The following INPP4B variants were observed in gnomAD, a reference collection of about 807,000 sequenced individuals.
INPP4B encodes the protein inositol polyphosphate-4-phosphatase type II B, also known as inositol polyphosphate 4-phosphatase type II.
INPP4B carries 55 observed loss-of-function variants against 122.5 expected under a neutral mutation model. That is an observed-to-expected ratio of 0.45 (90% CI 0.36 to 0.56). The LOEUF is 0.56. Ranked by LOEUF, INPP4B falls within the 20% of genes least tolerant of loss-of-function variation. INPP4B has a pLI of 0.00. For synonymous variants in INPP4B, 403 were observed against 388.7 expected, an observed-to-expected ratio of 1.04 and a Z score of -0.43; for missense variants, 1,000 against 1,097.7, an observed-to-expected ratio of 0.91 and a Z score of 1.26.
At chr4:142,638,597 G>A (rs1010242753) in intron 2 of INPP4B, among the ~76,000 whole-genome samples, 5 of 148,090 alleles carry the variant, frequency 3.4e-5, no homozygotes, top group Non-Finnish European at 7.4e-5. Flanking sequence ...AGGCTGGAGT[G>A]CAGTGGCATG....
intron 17 of INPP4B, among the ~76,000 whole-genome samples, chr4:142,146,203 C>T (rs982079750): frequency 6.6e-6 from 1 of 151,856 alleles, no homozygotes; most frequent in Non-Finnish European, 1.5e-5. Context: ...TATTATAAAC[C>T]TTTTTATTTA....
intron 17 of INPP4B, among the ~76,000 whole-genome samples, chr4:142,160,022 T>C (rs943739679): frequency 3.3e-5 from 5 of 152,118 alleles, no homozygotes; most frequent in African/African-American, 1.2e-4. Context: ...AGTAGTAACA[T>C]GGAGGGTTTT....
At position 142,129,650 on chromosome 4, in the gene INPP4B, G is replaced by T. The variant is rs531287461; in HGVS notation, c.1721-4890C>A. 6.0e-4 allele frequency among the ~76,000 whole-genome samples: 91 copies of T among 152,250 alleles called. No homozygotes were observed. In the South Asian group the frequency reaches 0.015, roughly 26 times the overall value. ...TAGAAGAGTAATCAGGAAAAGAAAA[G>T]CACCTGTGGAAACTTGGCTGCTTCG... On this transcript the variant is annotated intron_variant, in intron 18 of 25. Transcript: ENST00000262992.
At chr4:142,388,758 G>A (rs1474978484) in intron 7 of INPP4B, among the ~76,000 whole-genome samples, 1 of 152,126 alleles carries the variant, frequency 6.6e-6, no homozygotes, top group African/African-American at 2.4e-5. Flanking sequence ...ATTGGCTTTG[G>A]GCTGCCATGC....
At chr4:142,182,759 G>T (rs975057462) in intron 15 of INPP4B, among the ~76,000 whole-genome samples, 1 of 151,994 alleles carries the variant, frequency 6.6e-6, no homozygotes, top group Non-Finnish European at 1.5e-5. Context: ...AAACCTAAGA[G>T]TCCTTCAATC....
intron 23 of INPP4B, among the ~76,000 whole-genome samples, chr4:142,101,412 T>C (rs1784414648): frequency 6.6e-6 from 1 of 152,112 alleles, no homozygotes; most frequent in South Asian, 2.1e-4. Flanking sequence ...AATACTTAAG[T>C]AGCTTCAATT....
chr4:142,833,096 G>C (rs1230921860), intron 1 of INPP4B, among the ~76,000 whole-genome samples: 1 of 151,706 alleles, frequency 6.6e-6, no homozygotes, highest in Admixed American at 6.6e-5. Context: ...TTTTTTTAGG[G>C]ACAGGCAAAT....
At chr4:142,603,270 A>G (rs1028756234) in intron 2 of INPP4B, among the ~76,000 whole-genome samples, 29 of 152,090 alleles carry the variant, frequency 1.9e-4, no homozygotes, top group African/African-American at 7.0e-4. Flanking sequence ...AAAATAGCTA[A>G]AGGATTCTGG....
intron 2 of INPP4B, among the ~76,000 whole-genome samples, chr4:142,698,048 A>G (rs904575113): frequency 6.6e-6 from 1 of 152,122 alleles, no homozygotes; most frequent in Non-Finnish European, 1.5e-5. Flanking sequence ...ATAATGCAAG[A>G]AGACTGGCTG....
chr4:142,829,345 A>T (rs1424445481), intron 1 of INPP4B, among the ~76,000 whole-genome samples: 2 of 152,182 alleles, frequency 1.3e-5, no homozygotes, highest in East Asian at 3.9e-4. Context: ...CAGGTAGATC[A>T]GAGGGAGGAG....
intron 12 of INPP4B, among the ~76,000 whole-genome samples, chr4:142,220,113 T>C (rs1288648681): frequency 1.3e-5 from 2 of 152,234 alleles, no homozygotes; most frequent in Non-Finnish European, 2.9e-5. Flanking sequence ...AGTGACTTCG[T>C]TGATGCCACA....
At position 142,652,490 on chromosome 4, in the gene INPP4B, T is replaced by C. The variant is rs1235535940; in HGVS notation, c.-191+73349A>G. ...AAAACCCCATCAACTCAGCCCAAAA[T>C]CTCCTTAAGCTGATCAGCAACTTCA... On this transcript the variant is annotated intron_variant, in intron 2 of 25. Coordinates refer to ENST00000262992, the MANE Select transcript of INPP4B (RefSeq NM_001101669.3). 3.3e-5 allele frequency among the ~76,000 whole-genome samples: 5 copies of C among 152,134 alleles called. No individual in the cohort carries two copies. The East Asian group carries it at 9.7e-4, about 29-fold the overall frequency.
At position 142,124,625 on chromosome 4, in the gene INPP4B, A is replaced by T. The variant is rs760656782; in HGVS notation, c.1856T>A (p.Met619Lys). 4.7e-5 allele frequency: 76 copies of T among 1,613,456 alleles called. No homozygotes were observed. Among genetic ancestry groups the T allele is most frequent in the Non-Finnish European group, 6.4e-5 (76 of 1,179,662 alleles). Residue 619 changes from methionine (M) to lysine (K), a missense_variant, in exon 19 of 26, where the codon ATG becomes AAG. Physicochemically the swap from Met to Lys is moderately conservative, Grantham distance 95. Transcript: ENST00000262992. ...GACGATGTCTCTTCTTAGCGTCAGCATCAGACACTGGGGCAAGCTGTACGC... is the reference window on the plus strand; with the variant it reads ...GACGATGTCTCTTCTTAGCGTCAGCTTCAGACACTGGGGCAAGCTGTACGC... ...ELAYSLPQCL[M>K]LTLRRDIVFS...
chr4:142,573,038 G>A (rs1733145449), intron 2 of INPP4B, among the ~76,000 whole-genome samples: 1 of 151,898 alleles, frequency 6.6e-6, no homozygotes, highest in Admixed American at 6.6e-5. Flanking sequence ...TATTTCCACA[G>A]GCTACAGGAA....
At chr4:142,688,748 A>G (rs1759730887) in intron 2 of INPP4B, among the ~76,000 whole-genome samples, 1 of 152,188 alleles carries the variant, frequency 6.6e-6, no homozygotes, top group Non-Finnish European at 1.5e-5. Context: ...ATTCGCCATA[A>G]GATTAGAAAT....
intron 1 of INPP4B, among the ~76,000 whole-genome samples, chr4:142,841,070 C>A (rs569292033): frequency 6.6e-6 from 1 of 151,960 alleles, no homozygotes; most frequent in African/African-American, 2.4e-5. Context: ...TTAACTACTG[C>A]GCATCAATTA....
rs1021968181 is a variant in INPP4B at position 142,027,946 on chromosome 4, C to A, written c.*836G>T. The stretch of plus-strand genomic sequence containing the variant: ...AAACATCTCAGAGATACCTCACTGA[C>A]ATTCATGAACTTCACAACATAAAGT... On this transcript the variant is annotated 3_prime_UTR_variant, in exon 26 of 26. Transcript: ENST00000262992. The A allele has an allele frequency of 5.4e-6, 1 of 186,784 alleles. No homozygotes were observed. The highest frequency in any genetic ancestry group is 1.9e-4 in the South Asian group (1 of 5,140). The allele number at this position is 186,784 out of a possible 1,614,324, so 11.6% of individuals were successfully genotyped here.
intron 10 of INPP4B, among the ~76,000 whole-genome samples, chr4:142,265,137 A>C (rs766509006): frequency 2.6e-5 from 4 of 152,180 alleles, no homozygotes; most frequent in African/African-American, 7.2e-5. Flanking sequence ...GGGACTTCCT[A>C]GCTTCCAGAA....
chr4:142,093,486 C>T (rs1780468028), intron 23 of INPP4B, among the ~76,000 whole-genome samples: 1 of 152,188 alleles, frequency 6.6e-6, no homozygotes, highest in Non-Finnish European at 1.5e-5. Context: ...AGAGCTTGTA[C>T]TTCTAAGTAT....
Sources: gnomAD v4.1 joint callset for allele counts (sites outside exome capture counted in the v4.1 genomes callset) on GRCh38, gnomAD v4.1.1 for gene constraint, MANE v1.5 for transcripts, NCBI Gene and HGNC (gene_info 2026-07-23, HGNC 2026-07-21) for gene names.